Variants in COL23A1 observed in about 807,000 individuals in gnomAD.
The protein encoded by COL23A1 is collagen type XXIII alpha 1 chain.
Under a neutral mutation model 99.3 loss-of-function variants are expected in COL23A1, and 97 were observed. The observed-to-expected ratio is 0.98, with a 90% CI of 0.83 to 1.16. COL23A1 has a LOEUF of 1.16. Among genes scored for constraint, COL23A1 ranks in the 50% most tolerant of loss-of-function variants. The pLI, the probability that COL23A1 is intolerant of heterozygous loss-of-function variation, is 0.00. For synonymous variants in COL23A1, 320 were observed against 308.2 expected (o/e 1.04, Z -0.40); for missense variants, 762 against 757.4 (o/e 1.01, Z -0.07).
chr5:178,371,090 C>T (rs1244131181), intron 2 of COL23A1, among the ~76,000 whole-genome samples: 1 of 152,208 alleles, frequency 6.6e-6, no homozygotes, highest in Non-Finnish European at 1.5e-5. Flanking sequence ...AGGTTGACGT[C>T]TCTCTCTGCC....
At chr5:178,527,921 A>G (rs949510680) in intron 2 of COL23A1, among the ~76,000 whole-genome samples, 1 of 152,244 alleles carries the variant, frequency 6.6e-6, no homozygotes, top group African/African-American at 2.4e-5. Context: ...AGCTCCCCAC[A>G]TTCACACACA....
At chr5:178,509,134 G>C (rs888507945) in intron 2 of COL23A1, among the ~76,000 whole-genome samples, 1 of 152,116 alleles carries the variant, frequency 6.6e-6, no homozygotes, top group East Asian at 1.9e-4. Context: ...TAGCCCCTGA[G>C]GGCTTGTCAG....
intron 2 of COL23A1, among the ~76,000 whole-genome samples, chr5:178,326,985 CG>C (rs1759721015): frequency 1.3e-5 from 2 of 152,138 alleles, no homozygotes; most frequent in Admixed American, 1.3e-4. Context: ...CCCAAAGTGC[CG>C]GGATTACAGG....
At chr5:178,549,829 AAAAC>A (rs1011950689) in intron 2 of COL23A1, among the ~76,000 whole-genome samples, 1 of 151,980 alleles carries the variant, frequency 6.6e-6, no homozygotes, top group Non-Finnish European at 1.5e-5. Flanking sequence ...AAACAAAACA[AAAAC>A]AAAAACAAAA....
chr5:178,489,377 C>A (rs1261852553), intron 2 of COL23A1, among the ~76,000 whole-genome samples: 2 of 152,236 alleles, frequency 1.3e-5, no homozygotes, highest in African/African-American at 2.4e-5. Flanking sequence ...GCACTGTCGG[C>A]TCCCCTGGTT....
chr5:178,559,282 C>A (rs557017529), intron 2 of COL23A1, among the ~76,000 whole-genome samples: 3 of 152,368 alleles, frequency 2.0e-5, no homozygotes, highest in African/African-American at 7.2e-5. Context: ...CATCTCCCAA[C>A]CCTGGGATGT....
intron 2 of COL23A1, among the ~76,000 whole-genome samples, chr5:178,528,765 G>A (rs1045806784): frequency 9.2e-5 from 14 of 152,342 alleles, no homozygotes; most frequent in Middle Eastern, 3.4e-3. Flanking sequence ...CGCTGAGATC[G>A]CGCCATTGCA....
At chr5:178,356,616 A>C (rs1761667575) in intron 2 of COL23A1, among the ~76,000 whole-genome samples, 1 of 142,282 alleles carries the variant, frequency 7.0e-6, no homozygotes, top group African/African-American at 2.5e-5. Context: ...AAGGCGAGAC[A>C]CAGGAAAAAA....
rs923986101 is a variant in COL23A1, at chr5:178,516,970, G to A, written c.361+43712C>T. Among the ~76,000 whole-genome samples the A allele has an allele frequency of 9.8e-5, 15 of 152,364 alleles. No homozygotes were observed. The South Asian group carries it at 1.2e-3, about 13-fold the overall frequency. On this transcript the variant is annotated intron_variant, in intron 2 of 28. Transcript: ENST00000390654. ...ATATCTGTGGCTTTGTGTGTGGAAAGCGCCTGTCACTGAGGTGGGCATGCC... is the reference window on the plus strand; with the variant it reads ...ATATCTGTGGCTTTGTGTGTGGAAAACGCCTGTCACTGAGGTGGGCATGCC...
intron 2 of COL23A1, among the ~76,000 whole-genome samples, chr5:178,356,597 A>G (rs953998247): frequency 6.6e-6 from 1 of 150,940 alleles, no homozygotes; most frequent in Admixed American, 6.6e-5. Context: ...GCAAAGGGTT[A>G]AGGGAGAGAA....
intron 2 of COL23A1, among the ~76,000 whole-genome samples, chr5:178,322,237 C>A (rs1463604122): frequency 1.3e-5 from 2 of 152,134 alleles, no homozygotes; most frequent in East Asian, 3.9e-4. Context: ...CGTGATCCGC[C>A]TGCCTCAGCC....
At chr5:178,287,557 C>T (rs772665899) in intron 5 of COL23A1, among the ~76,000 whole-genome samples, 10 of 152,052 alleles carry the variant, frequency 6.6e-5, no homozygotes, top group East Asian at 1.9e-4. Context: ...GCTGCAGGAC[C>T]GGGGACCACC....
intron 1 of COL23A1, among the ~76,000 whole-genome samples, chr5:178,568,450 A>G (rs1345807438): frequency 6.6e-6 from 1 of 152,224 alleles, no homozygotes; most frequent in African/African-American, 2.4e-5. Flanking sequence ...ACTGAGGTGA[A>G]ATTCACATAA....
At chr5:178,503,299 G>T (rs914922337) in intron 2 of COL23A1, among the ~76,000 whole-genome samples, 2 of 152,034 alleles carry the variant, frequency 1.3e-5, no homozygotes, top group African/African-American at 4.8e-5. Flanking sequence ...AAAGTGAGCC[G>T]AGATTGCACC....
chr5:178,345,287 C>G (rs1399990897), intron 2 of COL23A1: 1 of 648,886 alleles, frequency 1.5e-6, no homozygotes, highest in East Asian at 4.0e-5. Context: ...CAGTAATCTG[C>G]CCCCTAGTTT....
At chr5:178,400,088 T>C (rs1032343724) in intron 2 of COL23A1, among the ~76,000 whole-genome samples, 1 of 152,206 alleles carries the variant, frequency 6.6e-6, no homozygotes, top group East Asian at 1.9e-4. Context: ...TGGAATAGGC[T>C]GGGCGCTGTG....
rs1422428772 is a variant in COL23A1, at chr5:178,589,306, C to T, written c.294+598G>A. On this transcript the variant is annotated intron_variant, in intron 1 of 28. Coordinates refer to ENST00000390654, the MANE Select transcript of COL23A1 (RefSeq NM_173465.4). This position sits in a 1 kb window ranked among gnomAD's most constrained non-coding sequence, Gnocchi z 5.4. ...CTCCACCCCCGATTGTTTCTCCTTC[C>T]TCTCATCTTACCAAGTCATGTGGGC... Among the ~76,000 whole-genome samples the T allele has an allele frequency of 6.6e-6, 1 of 152,058 alleles. No homozygotes were observed. Among genetic ancestry groups the T allele is most frequent in the African/African-American group, 2.4e-5 (1 of 41,406 alleles).
At chr5:178,388,003 G>A (rs1222119629) in intron 2 of COL23A1, among the ~76,000 whole-genome samples, 6 of 152,096 alleles carry the variant, frequency 3.9e-5, no homozygotes, top group East Asian at 3.9e-4. Context: ...CATGGCCACC[G>A]CCCACCGACA....
At chr5:178,298,669 A>G (rs1364001303) in intron 3 of COL23A1, among the ~76,000 whole-genome samples, 3 of 152,148 alleles carry the variant, frequency 2.0e-5, no homozygotes, top group Non-Finnish European at 4.4e-5. Context: ...AGCTCAGGTA[A>G]GATGCTGCAC....
Sources: gnomAD v4.1 joint callset for allele counts (sites outside exome capture counted in the v4.1 genomes callset) on GRCh38, gnomAD v4.1.1 for gene constraint, Gnocchi (gnomAD v3.1) non-coding constraint, MANE v1.5 for transcripts, NCBI Gene and HGNC (gene_info 2026-07-23, HGNC 2026-07-21) for gene names.